PDSS2: variants seen among roughly 807,000 people sequenced by gnomAD.
PDSS2 encodes all trans-polyprenyl-diphosphate synthase PDSS2.
PDSS2 carries 31 observed loss-of-function variants against 44.5 expected under a neutral mutation model. The observed-to-expected ratio is 0.70, with a 90% CI of 0.52 to 0.94. PDSS2 has a LOEUF of 0.94. Among genes scored for constraint, PDSS2 ranks in the 40% least tolerant of loss-of-function variants. The pLI is 0.00. For missense variants in PDSS2, 452 were observed against 482.2 expected (o/e 0.94, Z 0.59); for synonymous variants, 157 against 180.3 (o/e 0.87, Z 1.03).
At chr6:107,320,578 C>G (rs867315771) in intron 2 of PDSS2, among the ~76,000 whole-genome samples, 1 of 151,818 alleles carries the variant, frequency 6.6e-6, no homozygotes, top group African/African-American at 2.4e-5. Context: ...GTTCTTGTGT[C>G]AAAGAAAATA....
chr6:107,313,208 G>C (rs1191253743), intron 2 of PDSS2, among the ~76,000 whole-genome samples: 4 of 151,990 alleles, frequency 2.6e-5, no homozygotes, highest in African/African-American at 9.7e-5. Context: ...ATGAATTGTA[G>C]CATATAAACT....
chr6:107,453,224 C>T lies in PDSS2; in HGVS notation c.296+5766G>A, dbSNP rs146256472. Among the ~76,000 whole-genome samples the T allele has an allele frequency of 8.8e-3, 1,346 of 152,224 alleles. 49 individuals carry two copies. The East Asian group carries it at 0.12, about 13-fold the overall frequency. ...AGGTGATCCACCCACCTTAGCCTCC[C>T]AAAGTGCTGGGAATTCAGGCATGAG... On this transcript the variant is annotated intron_variant, in intron 1 of 7. Transcript: ENST00000369037.
At chr6:107,412,148 A>G (rs1442148406) in intron 1 of PDSS2, among the ~76,000 whole-genome samples, 2 of 151,552 alleles carry the variant, frequency 1.3e-5, no homozygotes, top group South Asian at 2.1e-4. Context: ...TCAGCCTTCC[A>G]AAGTGCTGGG....
At chr6:107,294,673 TA>T (rs1385085797) in intron 2 of PDSS2, among the ~76,000 whole-genome samples, 1 of 152,206 alleles carries the variant, frequency 6.6e-6, no homozygotes, top group Non-Finnish European at 1.5e-5. Flanking sequence ...GTATCTCATT[TA>T]ATCTTCACCA....
chr6:107,197,562 T>C (rs768528735), intron 6 of PDSS2, among the ~76,000 whole-genome samples: 15 of 151,700 alleles, frequency 9.9e-5, no homozygotes, highest in Non-Finnish European at 2.1e-4. Flanking sequence ...GCTGAAGTGA[T>C]TGCTTGCTTG....
chr6:107,210,856 T>G (rs1336216605), intron 5 of PDSS2, among the ~76,000 whole-genome samples: 2 of 150,630 alleles, frequency 1.3e-5, no homozygotes, highest in African/African-American at 4.9e-5. Flanking sequence ...AAACAAAAAT[T>G]GGGGGGGGTT....
chr6:107,251,658 C>T (rs1351617668), intron 3 of PDSS2, among the ~76,000 whole-genome samples: 1 of 152,124 alleles, frequency 6.6e-6, no homozygotes, highest in Non-Finnish European at 1.5e-5. Context: ...TTGGGAGGAA[C>T]AAAAGATGGA....
chr6:107,331,901 A>G (rs1453888427), intron 2 of PDSS2, among the ~76,000 whole-genome samples: 1 of 152,048 alleles, frequency 6.6e-6, no homozygotes, highest in Non-Finnish European at 1.5e-5. Context: ...CAGATGACTA[A>G]TAAGAAAGGG....
At chr6:107,413,622 G>A (rs1475839440) in intron 1 of PDSS2, among the ~76,000 whole-genome samples, 2 of 152,204 alleles carry the variant, frequency 1.3e-5, no homozygotes, top group East Asian at 3.9e-4. Flanking sequence ...GTGCCACCAT[G>A]CCCGGCTAAT....
chr6:107,428,793 C>A (rs113181786), intron 1 of PDSS2, among the ~76,000 whole-genome samples: 1 of 152,058 alleles, frequency 6.6e-6, no homozygotes, highest in Non-Finnish European at 1.5e-5. Flanking sequence ...GCTGTGACTA[C>A]GCTACAGCAC....
intron 7 of PDSS2, among the ~76,000 whole-genome samples, chr6:107,173,536 T>C (rs1284000211): frequency 1.7e-5 from 2 of 118,054 alleles, no homozygotes; most frequent in Admixed American, 1.2e-4. Flanking sequence ...ATCGCGCCAC[T>C]GCACTCCAGC....
At chr6:107,277,973 T>TA (rs1291834996) in intron 2 of PDSS2, among the ~76,000 whole-genome samples, 1 of 150,250 alleles carries the variant, frequency 6.7e-6, no homozygotes, top group Non-Finnish European at 1.5e-5. Flanking sequence ...AATAAATGAA[T>TA]AAATAAAATA....
chr6:107,295,194 A>G (rs1468132853), intron 2 of PDSS2, among the ~76,000 whole-genome samples: 3 of 152,138 alleles, frequency 2.0e-5, no homozygotes, highest in Non-Finnish European at 4.4e-5. Context: ...TCAGCCTCCC[A>G]AAGTGCTGGG....
At chr6:107,359,836 G>GAGAT (rs1228122120) in intron 1 of PDSS2, among the ~76,000 whole-genome samples, 1 of 152,134 alleles carries the variant, frequency 6.6e-6, no homozygotes, top group African/African-American at 2.4e-5. Context: ...ATCCTGAGGA[G>GAGAT]AGATGGGGAT....
chr6:107,208,420 C>T (rs945158935), intron 6 of PDSS2, among the ~76,000 whole-genome samples: 3 of 150,446 alleles, frequency 2.0e-5, no homozygotes, highest in Admixed American at 1.3e-4. Flanking sequence ...CCTCAGCCAC[C>T]TGAGAAGCTG....
chr6:107,407,426 T>C (rs1270571962), intron 1 of PDSS2, among the ~76,000 whole-genome samples: 1 of 152,196 alleles, frequency 6.6e-6, no homozygotes, highest in African/African-American at 2.4e-5. Flanking sequence ...ATAGTTAACA[T>C]GGTGAATTTT....
rs138548400 is a variant in PDSS2 at position 107,229,868 on chromosome 6, T to C, written c.702+15680A>G. ...GTCCTTTATCCTTGGAGGGCAACAG[T>C]ACCTAAGGCAGAAATTCAGAGAAAA... On this transcript the variant is annotated intron_variant, in intron 4 of 7. Transcript: ENST00000369037. The C allele has an allele frequency of 1.6e-5, 3 of 185,008 alleles. No individual in the cohort carries two copies. In the East Asian group the frequency reaches 4.3e-4, roughly 26 times the overall value. The allele number at this position is 185,008 out of a possible 1,614,324, so 11.5% of individuals were successfully genotyped here.
chr6:107,328,115 T>A (rs1344979038), intron 2 of PDSS2, among the ~76,000 whole-genome samples: 1 of 152,192 alleles, frequency 6.6e-6, no homozygotes, highest in African/African-American at 2.4e-5. Context: ...GTGGGAAATC[T>A]AATAAAGACC....
At chr6:107,347,545 G>A (rs1158575663) in intron 1 of PDSS2, among the ~76,000 whole-genome samples, 1 of 152,088 alleles carries the variant, frequency 6.6e-6, no homozygotes, top group African/African-American at 2.4e-5. Context: ...TTACAGGCGT[G>A]AGCCACTGCA....
Sources: allele counts gnomAD v4.1 joint callset (sites outside exome capture counted in the v4.1 genomes callset), GRCh38; gene constraint gnomAD v4.1.1; transcripts MANE v1.5; gene names NCBI Gene and HGNC (gene_info 2026-07-23, HGNC 2026-07-21).